Variants in ABCC1 observed in about 807,000 individuals in gnomAD.
ABCC1 encodes multidrug resistance-associated protein 1.
ABCC1 carries 83 observed loss-of-function variants against 172.9 expected under a neutral mutation model. That is an observed-to-expected ratio of 0.48 (90% CI 0.40 to 0.58). The LOEUF (loss-of-function observed/expected upper bound fraction) is 0.58, where lower values mean the gene tolerates loss of function less well. Ranked by LOEUF, ABCC1 falls within the 20% of genes least tolerant of loss-of-function variation. The pLI, the probability that ABCC1 is intolerant of heterozygous loss-of-function variation, is 0.00. For missense variants in ABCC1, 1,817 were observed against 2,002.7 expected (o/e 0.91, Z 1.77); for synonymous variants, 937 against 825.2 (o/e 1.14, Z -2.32).
chr16:16,065,016 C>T (rs2050060435), intron 12 of ABCC1, among the ~76,000 whole-genome samples: 1 of 152,154 alleles, frequency 6.6e-6, no homozygotes, highest in South Asian at 2.1e-4. Flanking sequence ...TGAGGAAAGA[C>T]TTGATGGAGG....
chr16:16,022,662 A>T (rs1453031836), intron 5 of ABCC1, among the ~76,000 whole-genome samples: 1 of 152,216 alleles, frequency 6.6e-6, no homozygotes, highest in South Asian at 2.1e-4. Context: ...GGTTTGGAAC[A>T]TTCAGTGAAA....
Position 16,106,843 on chromosome 16 carries a change from G to C in ABCC1, c.2841G>C (p.Leu947=), listed in dbSNP as rs1453169351. 6 of 1,614,058 alleles carry C rather than the reference G, an allele frequency of 3.7e-6. No homozygotes were observed. The East Asian group carries it at 1.3e-4, about 36-fold the overall frequency. The stretch of plus-strand genomic sequence containing the variant: ...CCAAGAAGGAGGAGACCTGGAAGCT[G>C]ATGGAGGCTGACAAGGCGCAGACAG... ...AEAKKEETWK[L]MEADKAQTGQ... Residue 947 remains leucine, a synonymous_variant, in exon 21 of 31, where the codon CTG becomes CTC. Coordinates refer to ENST00000399410, the MANE Select transcript of ABCC1 (RefSeq NM_004996.4).
At chr16:15,967,598 T>TAATAATA (rs1403903957) in intron 1 of ABCC1, among the ~76,000 whole-genome samples, 1 of 137,794 alleles carries the variant, frequency 7.3e-6, no homozygotes, top group African/African-American at 2.7e-5. Flanking sequence ...TAATAATAAT[T>TAATAATA]ATTATTATTA....
chr16:16,007,940 C>G lies in ABCC1; in HGVS notation c.173C>G (p.Ser58Cys). ...ACFPFYFLYLSRHDRGYIQMT... is the reference protein window; with the variant it reads ...ACFPFYFLYLCRHDRGYIQMT... ...TTCCCCTTCTACTTCCTCTATCTCT[C>G]CCGACATGACCGAGGCTACATTCAG... is the stretch of plus-strand genomic sequence containing the variant. Residue 58 changes from serine (S) to cysteine (C), a missense_variant, in exon 2 of 31, where the codon TCC (serine) becomes TGC (cysteine). Ser to Cys is a moderately radical substitution (Grantham distance 112). Coordinates refer to ENST00000399410, the MANE Select transcript of ABCC1 (RefSeq NM_004996.4). 6.2e-7 allele frequency: 1 copy of G among 1,610,346 alleles called. No individual in the cohort carries two copies.
chr16:16,134,630 T>A, intron 28 of ABCC1, 122 bp downstream of exon 28: 60 of 418,420 alleles, frequency 1.4e-4, no homozygotes, highest in Middle Eastern at 4.9e-4. Context: ...TCGTTCTTTT[T>A]TTTTTTTTTT....
intron 19 of ABCC1, among the ~76,000 whole-genome samples, chr16:16,092,621 G>C (rs2051301540): frequency 6.6e-6 from 1 of 152,194 alleles, no homozygotes; most frequent in Non-Finnish European, 1.5e-5. Flanking sequence ...CTGTTCACTG[G>C]TTGATGGACA....
At chr16:16,099,376 T>C (rs576541758) in intron 19 of ABCC1, among the ~76,000 whole-genome samples, 180 of 152,296 alleles carry the variant, frequency 1.2e-3, no homozygotes, top group African/African-American at 4.2e-3. Context: ...TGAAGAGGGA[T>C]GTCGCCTAGT....
chr16:15,993,185 AG>A (rs2046931205), intron 1 of ABCC1, among the ~76,000 whole-genome samples: 1 of 152,204 alleles, frequency 6.6e-6, no homozygotes, highest in Non-Finnish European at 1.5e-5. Context: ...TGACTAGCCC[AG>A]GTCTAGGCAT....
chr16:16,050,718 C>A (rs1196741890), intron 10 of ABCC1, among the ~76,000 whole-genome samples: 5 of 124,464 alleles, frequency 4.0e-5, no homozygotes, highest in Non-Finnish European at 6.6e-5. Context: ...CATAGTGAGA[C>A]CCTGTCTCTA....
intron 11 of ABCC1, among the ~76,000 whole-genome samples, chr16:16,053,319 G>T (rs1170825214): frequency 1.3e-5 from 2 of 151,986 alleles, no homozygotes; most frequent in African/African-American, 2.4e-5. Context: ...GGGCCTTGCT[G>T]TGTTGCCCAG....
At chr16:16,135,534 C>G (rs1168576358) in intron 28 of ABCC1, among the ~76,000 whole-genome samples, 1 of 152,214 alleles carries the variant, frequency 6.6e-6, no homozygotes, top group Non-Finnish European at 1.5e-5. Flanking sequence ...CAGCTTACTG[C>G]AACCTGCACC....
At chr16:15,994,733 G>A (rs957084668) in intron 1 of ABCC1, among the ~76,000 whole-genome samples, 2 of 151,772 alleles carry the variant, frequency 1.3e-5, no homozygotes, top group Non-Finnish European at 1.5e-5. Flanking sequence ...CCTACCCCCT[G>A]CAGATTAATT....
rs7193196 is a variant in ABCC1, at chr16:16,042,686, G to C, written c.810-1764G>C. 5.6e-3 allele frequency among the ~76,000 whole-genome samples: 811 copies of C among 144,258 alleles called. 11 individuals carry two copies. The highest frequency in any genetic ancestry group is 0.02 in the African/African-American group (774 of 38,456). 94.6% of individuals were successfully genotyped at this position (144,258 alleles called of 152,430 possible). On this transcript the variant is annotated intron_variant, in intron 7 of 30. Coordinates refer to ENST00000399410, the MANE Select transcript of ABCC1 (RefSeq NM_004996.4). ...CCATTGCACTCCAGCCTGTGTGATA[G>C]AGCAAGACTCCATCTCAAAAAAAAA...
Position 16,036,611 on chromosome 16 carries a change from TGA to T in ABCC1, c.809+10_809+11del. The T allele has an allele frequency of 6.2e-7, 1 of 1,612,966 alleles. No homozygotes were observed. The highest frequency in any genetic ancestry group is 1.1e-5 in the South Asian group (1 of 90,896). On this transcript the variant is annotated intron_variant, in intron 7 of 30. Coordinates refer to ENST00000399410, the MANE Select transcript of ABCC1 (RefSeq NM_004996.4). ...ATGCGCCAAGACTAGGAAGTAAGTGTGAGTTTCCTTGTCCTCCAGGATGCCCT... is the reference window on the plus strand; with the variant it reads ...ATGCGCCAAGACTAGGAAGTAAGTGTGTTTCCTTGTCCTCCAGGATGCCCT...
chr16:16,071,854 CGA>C, intron 14 of ABCC1, 125 bp downstream of exon 14: 1 of 845,192 alleles, frequency 1.2e-6, no homozygotes, highest in Non-Finnish European at 1.9e-6. Flanking sequence ...CGCTTGTCTG[CGA>C]GACCCCGGGG....
chr16:16,080,385 C>T (rs568382903), intron 16 of ABCC1, among the ~76,000 whole-genome samples: 2 of 152,264 alleles, frequency 1.3e-5, no homozygotes, highest in South Asian at 4.1e-4. Context: ...AAGAAGACTG[C>T]AGTTTTACTG....
chr16:16,132,506 G>GT (rs1567441293), intron 27 of ABCC1, among the ~76,000 whole-genome samples: 85 of 100,954 alleles, frequency 8.4e-4, no homozygotes, highest in African/African-American at 1.4e-3. Flanking sequence ...TTTTTTGGTT[G>GT]GTTGTTTTTT....
intron 14 of ABCC1, among the ~76,000 whole-genome samples, chr16:16,072,966 C>CA (rs2050407720): frequency 1.3e-5 from 2 of 151,098 alleles, no homozygotes; most frequent in African/African-American, 4.9e-5. Context: ...CACTTGAACC[C>CA]AGGAGGCGGA....
At chr16:16,104,704 C>T (rs921677043) in intron 20 of ABCC1, among the ~76,000 whole-genome samples, 2 of 152,150 alleles carry the variant, frequency 1.3e-5, no homozygotes, top group South Asian at 2.1e-4. Context: ...AGGGACTGGG[C>T]GCCATGGAGC....
Sources: allele counts gnomAD v4.1 joint callset (sites outside exome capture counted in the v4.1 genomes callset), GRCh38; gene constraint gnomAD v4.1.1; transcripts MANE v1.5; gene names NCBI Gene and HGNC (gene_info 2026-07-23, HGNC 2026-07-21).